Variants in NCOR1 observed in about 807,000 individuals in gnomAD.
The protein encoded by NCOR1 is protein phosphatase 1, regulatory subunit 109.
In NCOR1, 63 loss-of-function variants were observed where a neutral mutation model predicts 288.1. The observed-to-expected ratio is 0.22, with a 90% CI of 0.18 to 0.27. The LOEUF (loss-of-function observed/expected upper bound fraction) is 0.27, where lower values mean the gene tolerates loss of function less well. Ranked by LOEUF, NCOR1 falls within the 10% of genes least tolerant of loss-of-function variation. The pLI is 1.00. For missense variants in NCOR1, 2,397 were observed against 3,019.2 expected (o/e 0.79, Z 4.83); for synonymous variants, 1,007 against 1,065.9 (o/e 0.94, Z 1.08).
At chr17:16,153,903 C>T (rs1239601570) in intron 6 of NCOR1, among the ~76,000 whole-genome samples, 1 of 150,346 alleles carries the variant, frequency 6.7e-6, no homozygotes, top group Non-Finnish European at 1.5e-5. Context: ...TTTCTAGTTA[C>T]AAGGAATCCT....
chr17:16,098,161 G>C (rs918099784), intron 21 of NCOR1, among the ~76,000 whole-genome samples: 1 of 152,148 alleles, frequency 6.6e-6, no homozygotes, highest in African/African-American at 2.4e-5. Context: ...AAAGGTCCTG[G>C]GGATCATTTT....
chr17:16,196,845 AG>A (rs1333127083), intron 1 of NCOR1, among the ~76,000 whole-genome samples: 2 of 147,806 alleles, frequency 1.4e-5, no homozygotes, highest in African/African-American at 2.5e-5. Context: ...AAAAAAGAAA[AG>A]AAAAAAAAAA....
Position 16,108,980 on chromosome 17 carries a change from AT to A in NCOR1, c.2056-69del, listed in dbSNP as rs2069387640. 3.1e-6 allele frequency: 4 copies of A among 1,295,530 alleles called. No homozygotes were observed. In the African/African-American group the frequency reaches 6.0e-5, roughly 19 times the overall value. The allele number at this position is 1,295,530 out of a possible 1,614,324, so 80.3% of individuals were successfully genotyped here. A position where few individuals can be genotyped will look rare whatever the true frequency, so the allele number is the denominator to read the frequency against. ...GAAAAAAAAATTCATTTCTGAAATA[AT>A]GTAGAACATTGATAAGCACACACAC... On this transcript the variant is annotated intron_variant, in intron 18 of 45. Transcript: ENST00000268712.
chr17:16,112,918 T>G (rs1468555391), intron 18 of NCOR1, among the ~76,000 whole-genome samples: 3 of 152,122 alleles, frequency 2.0e-5, no homozygotes, highest in Non-Finnish European at 4.4e-5. Flanking sequence ...TATTATTTAT[T>G]TATTTATTTT....
intron 8 of NCOR1, among the ~76,000 whole-genome samples, chr17:16,149,858 G>C (rs1470022055): frequency 6.6e-6 from 1 of 152,146 alleles, no homozygotes; most frequent in African/African-American, 2.4e-5. Context: ...ACTCTTTGGA[G>C]AAGGGAGGTA....
intron 2 of NCOR1, among the ~76,000 whole-genome samples, chr17:16,190,711 G>GT (rs1404515749): frequency 4.6e-5 from 7 of 152,182 alleles, no homozygotes; most frequent in Non-Finnish European, 8.8e-5. Context: ...TGAAATAAAA[G>GT]TAACAACAGT....
chr17:16,045,692 G>C (rs1333219799), intron 42 of NCOR1, among the ~76,000 whole-genome samples: 1 of 152,044 alleles, frequency 6.6e-6, no homozygotes, highest in African/African-American at 2.4e-5. Flanking sequence ...TTTTAGTAGA[G>C]ACAGGGTTTC....
intron 26 of NCOR1, among the ~76,000 whole-genome samples, chr17:16,079,624 T>A (rs1490641511): frequency 6.6e-6 from 1 of 152,002 alleles, no homozygotes; most frequent in Admixed American, 6.5e-5. Context: ...AGTAAGCAAA[T>A]AATTCGTAAT....
intron 5 of NCOR1, among the ~76,000 whole-genome samples, chr17:16,161,262 CACACACACA>C (rs2080809870): frequency 6.6e-6 from 1 of 150,454 alleles, no homozygotes; most frequent in Non-Finnish European, 1.5e-5. Flanking sequence ...CACACACACA[CACACACACA>C]CTCCCTCACC....
intron 42 of NCOR1, 152 bp from the exon 43 acceptor site, chr17:16,040,646 G>GTT: frequency 2.1e-5 from 16 of 760,382 alleles, no homozygotes; most frequent in South Asian, 8.2e-5. Context: ...TAAAATGGAA[G>GTT]TATTTTTTTT....
intron 1 of NCOR1, among the ~76,000 whole-genome samples, chr17:16,195,723 C>G (rs373148132): frequency 6.6e-6 from 1 of 152,138 alleles, no homozygotes; most frequent in African/African-American, 2.4e-5. Flanking sequence ...ACACAAGCAT[C>G]AGAGTCAGCT....
At chr17:16,155,389 ACACC>A (rs1249219023) in intron 6 of NCOR1, among the ~76,000 whole-genome samples, 2 of 151,478 alleles carry the variant, frequency 1.3e-5, no homozygotes, top group Admixed American at 6.6e-5. Context: ...ACACACACAC[ACACC>A]CACAAAGATA....
chr17:16,066,093 C>T (rs1034385773), intron 32 of NCOR1, among the ~76,000 whole-genome samples: 7 of 152,174 alleles, frequency 4.6e-5, no homozygotes, highest in African/African-American at 1.7e-4. Context: ...AGTAACTTTA[C>T]TCTCCAGGGG....
At chr17:16,151,091 A>ATT (rs1264572342) in intron 8 of NCOR1, among the ~76,000 whole-genome samples, 2 of 151,662 alleles carry the variant, frequency 1.3e-5, no homozygotes, top group African/African-American at 2.4e-5. Context: ...TAGTAACCAT[A>ATT]CTAGTAAATA....
intron 1 of NCOR1, among the ~76,000 whole-genome samples, chr17:16,201,818 G>A (rs1244387322): frequency 6.6e-6 from 1 of 151,300 alleles, no homozygotes; most frequent in African/African-American, 2.4e-5. Flanking sequence ...AGCCAAGCGC[G>A]GTGGCTCACG....
intron 22 of NCOR1, among the ~76,000 whole-genome samples, chr17:16,090,794 T>C (rs1220853089): frequency 6.6e-6 from 1 of 152,242 alleles, no homozygotes; most frequent in Non-Finnish European, 1.5e-5. Flanking sequence ...TGGTGTGATC[T>C]GGGCAGAGTC....
chr17:16,138,821 C>T (rs1370836311), intron 12 of NCOR1, among the ~76,000 whole-genome samples, 187 bp downstream of exon 12: 2 of 152,206 alleles, frequency 1.3e-5, no homozygotes, highest in Admixed American at 6.5e-5. Context: ...CAGTTCTTAT[C>T]TGTTACCTCT....
intron 19 of NCOR1, among the ~76,000 whole-genome samples, chr17:16,108,430 A>C (rs1339120959): frequency 6.6e-6 from 1 of 152,096 alleles, no homozygotes; most frequent in Non-Finnish European, 1.5e-5. Flanking sequence ...AAATCTCTGT[A>C]AAAATATGAA....
intron 2 of NCOR1, among the ~76,000 whole-genome samples, chr17:16,190,997 G>A (rs748271547): frequency 6.6e-6 from 1 of 152,200 alleles, no homozygotes; most frequent in African/African-American, 2.4e-5. Flanking sequence ...AACCGTACAA[G>A]GTTTGGATAA....
Sources: gnomAD v4.1 joint callset for allele counts (sites outside exome capture counted in the v4.1 genomes callset) on GRCh38, gnomAD v4.1.1 for gene constraint, MANE v1.5 for transcripts, NCBI Gene and HGNC (gene_info 2026-07-23, HGNC 2026-07-21) for gene names.